BRI3BP: variants seen among roughly 807,000 people sequenced by gnomAD.
BRI3BP encodes the protein BRI3-binding protein.
A neutral mutation model predicts 15.8 loss-of-function variants in BRI3BP; 7 were observed. That is an observed-to-expected ratio of 0.44 (90% CI 0.25 to 0.83). BRI3BP has a LOEUF of 0.83. Ranked by LOEUF, BRI3BP falls within the 40% of genes least tolerant of loss-of-function variation. The probability of loss-of-function intolerance (pLI) is 0.20; values close to 1 mark genes in which losing one functional copy is unlikely to be tolerated. For missense variants in BRI3BP, 320 were observed against 339.3 expected, an observed-to-expected ratio of 0.94 and a Z score of 0.45; for synonymous variants, 192 against 163.5, an observed-to-expected ratio of 1.17 and a Z score of -1.33.
chr12:125,008,879 C>T (rs1029924500), intron 1 of BRI3BP, among the ~76,000 whole-genome samples: 3 of 151,988 alleles, frequency 2.0e-5, no homozygotes, highest in Non-Finnish European at 4.4e-5. Flanking sequence ...CTGGGGGTGA[C>T]GCGGACAGTG....
At chr12:125,014,270 G>C (rs544891041) in intron 2 of BRI3BP, among the ~76,000 whole-genome samples, 1 of 152,212 alleles carries the variant, frequency 6.6e-6, no homozygotes, top group Non-Finnish European at 1.5e-5. Context: ...CCCCAGCTGG[G>C]CTCTTTCCAG....
intron 1 of BRI3BP, among the ~76,000 whole-genome samples, chr12:125,003,986 C>G (rs1955120138): frequency 6.7e-6 from 1 of 149,192 alleles, no homozygotes; most frequent in African/African-American, 2.5e-5. Flanking sequence ...CACACACACA[C>G]ACACACACAC....
intron 1 of BRI3BP, among the ~76,000 whole-genome samples, chr12:124,996,779 G>A (rs1258587447): frequency 2.2e-5 from 3 of 135,522 alleles, no homozygotes; most frequent in African/African-American, 8.6e-5. Flanking sequence ...TTTTTTCCGA[G>A]ATGGAGTATT....
At chr12:125,005,600 T>C (rs774822899) in intron 1 of BRI3BP, among the ~76,000 whole-genome samples, 3 of 151,974 alleles carry the variant, frequency 2.0e-5, no homozygotes, top group Non-Finnish European at 4.4e-5. Context: ...TGAAACCCCA[T>C]CTCTACTAAA....
intron 2 of BRI3BP, among the ~76,000 whole-genome samples, chr12:125,012,932 A>C (rs1257974593): frequency 6.6e-6 from 1 of 152,008 alleles, no homozygotes; most frequent in African/African-American, 2.4e-5. Flanking sequence ...AAGTACAAAA[A>C]AATTGCTGGG....
In BRI3BP at chr12:125,025,468, G is replaced by T; in HGVS notation, c.*38G>T. ...CGGGCGGGTCCACAGTTACCAGCAC[G>T]CTGTCTCAGAAAACGAAAACGGAGG... On this transcript the variant is annotated 3_prime_UTR_variant, in exon 3 of 3. Transcript: ENST00000341446. 6.6e-7 allele frequency: 1 copy of T among 1,506,208 alleles called. No individual in the cohort carries two copies. The highest frequency in any genetic ancestry group is 1.4e-5 in the African/African-American group (1 of 71,808). 93.3% of individuals were successfully genotyped at this position (1,506,208 alleles called of 1,614,324 possible). A position where few individuals can be genotyped will look rare whatever the true frequency, so the allele number is the denominator to read the frequency against.
the BRI3BP span, among the ~76,000 whole-genome samples, chr12:125,050,676 A>G: frequency 6.6e-6 from 1 of 152,258 alleles, no homozygotes; most frequent in Non-Finnish European, 1.5e-5. Context: ...TTGGAGGCAC[A>G]TAAAGGGCTT....
At chr12:125,015,058 C>T (rs1052086659) in intron 2 of BRI3BP, among the ~76,000 whole-genome samples, 1 of 152,316 alleles carries the variant, frequency 6.6e-6, no homozygotes, top group South Asian at 2.1e-4. Flanking sequence ...TGAGCCACCA[C>T]ACCCAGCCCA....
chr12:125,041,618 G>A, the BRI3BP span, among the ~76,000 whole-genome samples: 1 of 152,206 alleles, frequency 6.6e-6, no homozygotes. Context: ...CAGACGCTAT[G>A]TTCTGCTGCC....
chr12:124,994,302 C>A lies in BRI3BP; in HGVS notation c.213+299C>A, dbSNP rs79390129. The stretch of plus-strand genomic sequence containing the variant: ...CCCGGCTGCGCTGACGCCTGCCGCG[C>A]GTCTCATTCATTCATTCACCGCGTT... On this transcript the variant is annotated intron_variant, in intron 1 of 2. Coordinates refer to ENST00000341446, the MANE Select transcript of BRI3BP (RefSeq NM_080626.6). 8.9e-3 allele frequency among the ~76,000 whole-genome samples: 1,359 copies of A among 152,126 alleles called. 12 individuals carry two copies. Among genetic ancestry groups the A allele is most frequent in the Non-Finnish European group, 0.014 (977 of 67,976 alleles).
chr12:125,018,432 G>A lies in BRI3BP; in HGVS notation c.316+5796G>A, dbSNP rs887835714. ...GGTGAGTCCCAAATCCAATGTGACC[G>A]GTGTCCTTATACGAAGGGGAAATTT... On this transcript the variant is annotated intron_variant, in intron 2 of 2. Coordinates refer to ENST00000341446, the MANE Select transcript of BRI3BP (RefSeq NM_080626.6). 9.5e-4 allele frequency among the ~76,000 whole-genome samples: 144 copies of A among 152,184 alleles called. 13 individuals carry two copies. Among genetic ancestry groups the A allele is most frequent in the Admixed American group, 6.5e-5 (1 of 15,278 alleles).
chr12:125,046,862 TTTTG>T, the BRI3BP span, among the ~76,000 whole-genome samples: 5 of 152,220 alleles, frequency 3.3e-5, no homozygotes, highest in African/African-American at 4.8e-5. Flanking sequence ...ACAGATTCAT[TTTTG>T]TTTGTTTGTT....
chr12:124,998,977 T>C (rs1289225552), intron 1 of BRI3BP, among the ~76,000 whole-genome samples: 1 of 151,714 alleles, frequency 6.6e-6, no homozygotes, highest in Non-Finnish European at 1.5e-5. Flanking sequence ...ACTTGGGAGG[T>C]TGCATAGGGA....
In BRI3BP at chr12:125,025,537, G is replaced by C; in HGVS notation, c.*107G>C. The C allele has an allele frequency of 8.4e-7, 1 of 1,191,718 alleles. No homozygotes were observed. The highest frequency in any genetic ancestry group is 1.1e-6 in the Non-Finnish European group (1 of 877,754). 73.8% of individuals were successfully genotyped at this position (1,191,718 alleles called of 1,614,324 possible). ...AAACAATCTTAATAAACACGACTGA[G>C]CAAGAAAGTGGCGCTGTGTAGGGCT... is the stretch of plus-strand genomic sequence containing the variant. On this transcript the variant is annotated 3_prime_UTR_variant, in exon 3 of 3. Coordinates refer to ENST00000341446, the MANE Select transcript of BRI3BP (RefSeq NM_080626.6).
the BRI3BP span, among the ~76,000 whole-genome samples, chr12:125,037,428 A>G: frequency 2.6e-5 from 4 of 152,344 alleles, no homozygotes; most frequent in African/African-American, 9.6e-5. Flanking sequence ...GGACACACTA[A>G]TTTAGGCATA....
intron 1 of BRI3BP, among the ~76,000 whole-genome samples, chr12:125,010,659 G>A (rs926880803): frequency 3.3e-5 from 5 of 152,064 alleles, no homozygotes; most frequent in Non-Finnish European, 7.3e-5. Flanking sequence ...GCCTGTAGTC[G>A]CAGCTACTCG....
downstream of BRI3BP, among the ~76,000 whole-genome samples, chr12:125,032,119 C>G (rs963682135): frequency 1.3e-5 from 2 of 152,196 alleles, no homozygotes; most frequent in Non-Finnish European, 2.9e-5. Context: ...AGAAGGAAAC[C>G]AGAATGAGGA....
intron 2 of BRI3BP, among the ~76,000 whole-genome samples, chr12:125,014,447 G>A (rs1347409166): frequency 6.6e-6 from 1 of 152,166 alleles, no homozygotes; most frequent in Non-Finnish European, 1.5e-5. Context: ...TTATTGTGAC[G>A]GAAGGACGCA....
At chr12:125,012,447 G>A (rs1955204527) in intron 1 of BRI3BP, 87 bp from the exon 2 acceptor site, 5 of 1,093,732 alleles carry the variant, frequency 4.6e-6, no homozygotes, top group Non-Finnish European at 7.0e-6. Context: ...TCCCTTCCCA[G>A]GTATAAACTC....
Sources: gnomAD v4.1 joint callset for allele counts (sites outside exome capture counted in the v4.1 genomes callset) on GRCh38, gnomAD v4.1.1 for gene constraint, MANE v1.5 for transcripts, NCBI Gene and HGNC (gene_info 2026-07-23, HGNC 2026-07-21) for gene names.